The following TAB2 variants were observed in gnomAD, a reference collection of about 807,000 sequenced individuals.
The protein encoded by TAB2 is TGF-beta activated kinase 1 (MAP3K7) binding protein 2, also known as TGF-beta-activated kinase 1 and MAP3K7-binding protein 2.
Under a neutral mutation model 65.0 loss-of-function variants are expected in TAB2, and 3 were observed. The observed-to-expected ratio is 0.05, with a 90% CI of 0.02 to 0.12. The LOEUF (loss-of-function observed/expected upper bound fraction) is 0.12, where lower values mean the gene tolerates loss of function less well. Ranked by LOEUF, TAB2 falls within the 10% of genes least tolerant of loss-of-function variation. TAB2 has a pLI of 1.00. For missense variants in TAB2, 623 were observed against 840.3 expected (o/e 0.74, Z 3.20); for synonymous variants, 298 against 285.1 (o/e 1.05, Z -0.46).
At chr6:149,388,762 T>C (rs551962380) in intron 3 of TAB2, among the ~76,000 whole-genome samples, 1 of 152,284 alleles carries the variant, frequency 6.6e-6, no homozygotes, top group South Asian at 2.1e-4. Context: ...AACTTGCCTA[T>C]TTCTGTAAAA....
intron 1 of TAB2, among the ~76,000 whole-genome samples, chr6:149,225,384 A>G (rs1223934494): frequency 6.6e-6 from 1 of 152,214 alleles, no homozygotes; most frequent in Non-Finnish European, 1.5e-5. Flanking sequence ...AAAGAAAAAG[A>G]ATATGGATCT....
At chr6:149,245,635 G>A (rs1475800810) in intron 1 of TAB2, 1 of 151,022 alleles carries the variant, frequency 6.6e-6, no homozygotes, top group Non-Finnish European at 1.5e-5. Flanking sequence ...ACTAGATATT[G>A]ATGCATGTGG....
At chr6:149,283,166 C>T (rs1482266414) in intron 1 of TAB2, among the ~76,000 whole-genome samples, 1 of 152,204 alleles carries the variant, frequency 6.6e-6, no homozygotes, top group East Asian at 1.9e-4. Flanking sequence ...TCTGCTCTCC[C>T]GCTAGGGTTG....
intron 1 of TAB2, among the ~76,000 whole-genome samples, chr6:149,364,381 C>T (rs1407965454): frequency 6.6e-6 from 1 of 152,032 alleles, no homozygotes; most frequent in Non-Finnish European, 1.5e-5. Context: ...CCCAATGTAC[C>T]ATGCTCCCAT....
At chr6:149,256,568 A>G (rs1313912418) in intron 1 of TAB2, among the ~76,000 whole-genome samples, 1 of 152,170 alleles carries the variant, frequency 6.6e-6, no homozygotes, top group Non-Finnish European at 1.5e-5. Context: ...ACTCGAATAT[A>G]TTATTCATGC....
At chr6:149,372,013 A>G (rs1412281960) in intron 2 of TAB2, among the ~76,000 whole-genome samples, 1 of 152,190 alleles carries the variant, frequency 6.6e-6, no homozygotes, top group African/African-American at 2.4e-5. Context: ...GTAGGTTATT[A>G]AAAAACTAAC....
At chr6:149,372,610 C>T (rs1781267040) in intron 2 of TAB2, among the ~76,000 whole-genome samples, 1 of 152,170 alleles carries the variant, frequency 6.6e-6, no homozygotes, top group Admixed American at 6.5e-5. Flanking sequence ...CTCTACTTAG[C>T]ATGCTTCCCA....
chr6:149,338,124 A>G (rs963617382), intron 1 of TAB2, among the ~76,000 whole-genome samples: 5 of 152,226 alleles, frequency 3.3e-5, no homozygotes, highest in Non-Finnish European at 5.9e-5. Flanking sequence ...TGTATATTAC[A>G]TAACTCTCCC....
At chr6:149,404,646 A>T (rs1394380709) in intron 6 of TAB2, among the ~76,000 whole-genome samples, 1 of 152,240 alleles carries the variant, frequency 6.6e-6, no homozygotes, top group East Asian at 1.9e-4. Flanking sequence ...TGGTCAACTT[A>T]TCTTTGACAA....
At chr6:149,403,190 C>T (rs946732513) in intron 6 of TAB2, among the ~76,000 whole-genome samples, 1 of 146,526 alleles carries the variant, frequency 6.8e-6, no homozygotes, top group African/African-American at 2.5e-5. Flanking sequence ...GCCAAGATCA[C>T]GCCATTGCAC....
chr6:149,397,836 C>A (rs565613651), intron 4 of TAB2, 72 bp downstream of exon 4: 2 of 1,589,708 alleles, frequency 1.3e-6, no homozygotes, highest in African/African-American at 2.7e-5. Flanking sequence ...AGTGTAATAT[C>A]TCTATCTAGT....
chr6:149,253,921 C>CGAAAGAAA (rs375406263), intron 1 of TAB2, among the ~76,000 whole-genome samples: 6,436 of 73,218 alleles, frequency 0.088, 1,025 homozygotes, highest in East Asian at 0.17. Context: ...GACTCCATCT[C>CGAAAGAAA]GAAAGAAAGA....
intron 1 of TAB2, among the ~76,000 whole-genome samples, chr6:149,273,088 G>A (rs528337719): frequency 1.8e-4 from 27 of 152,038 alleles, no homozygotes; most frequent in African/African-American, 4.6e-4. Flanking sequence ...GGTCCCTGGC[G>A]ACAAAAGCAT....
chr6:149,325,659 A>T (rs1779593393), intron 1 of TAB2, among the ~76,000 whole-genome samples: 1 of 152,238 alleles, frequency 6.6e-6, no homozygotes, highest in Non-Finnish European at 1.5e-5. Context: ...TAAGATTTTG[A>T]AAACACCTCA....
chr6:149,315,093 G>T (rs1414228032), upstream of TAB2, among the ~76,000 whole-genome samples: 2 of 152,076 alleles, frequency 1.3e-5, no homozygotes. Flanking sequence ...CAAAATTCTG[G>T]TTACTCAGAA....
chr6:149,281,250 A>T (rs1478383420), intron 1 of TAB2, among the ~76,000 whole-genome samples: 1 of 152,172 alleles, frequency 6.6e-6, no homozygotes, highest in Non-Finnish European at 1.5e-5. Context: ...GGAGAAGTAG[A>T]AATGGAAGTA....
At chr6:149,251,316 G>A (rs544836784) in intron 1 of TAB2, among the ~76,000 whole-genome samples, 16 of 152,206 alleles carry the variant, frequency 1.1e-4, no homozygotes, top group African/African-American at 3.9e-4. Flanking sequence ...ATAAGTCTCT[G>A]GGGGAAGCTG....
Position 149,398,072 on chromosome 6 carries a change from A to G in TAB2, c.1858+10A>G, listed in dbSNP as rs1225715281. 6.2e-7 allele frequency: 1 copy of G among 1,610,756 alleles called. No individual in the cohort carries two copies. The highest frequency in any genetic ancestry group is 1.3e-5 in the African/African-American group (1 of 74,960). Reference sequence around the variant, plus strand: ...CTTTTTCAAGCCCGAGGTAAAGTTCAGTGTATTTGTAGCTGAAATTCATCG... The same window carrying G: ...CTTTTTCAAGCCCGAGGTAAAGTTCGGTGTATTTGTAGCTGAAATTCATCG... On this transcript the variant is annotated intron_variant, in intron 5 of 6. Transcript: ENST00000637181.
intron 1 of TAB2, among the ~76,000 whole-genome samples, chr6:149,262,169 C>G (rs1229089365): frequency 6.6e-6 from 1 of 152,186 alleles, no homozygotes; most frequent in Non-Finnish European, 1.5e-5. Context: ...TGATGAGGCT[C>G]TCAATGATAG....
Sources: allele counts gnomAD v4.1 joint callset (sites outside exome capture counted in the v4.1 genomes callset), GRCh38; gene constraint gnomAD v4.1.1; transcripts MANE v1.5; gene names NCBI Gene and HGNC (gene_info 2026-07-23, HGNC 2026-07-21).